The following GSK3B variants were observed in gnomAD, a reference collection of about 807,000 sequenced individuals.
GSK3B encodes glycogen synthase kinase 3 beta.
GSK3B carries 15 observed loss-of-function variants against 56.4 expected under a neutral mutation model. The ratio of observed to expected loss-of-function variants is 0.27; its 90% CI spans 0.18 to 0.41. GSK3B has a LOEUF of 0.41. Among genes scored for constraint, GSK3B ranks in the 10% least tolerant of loss-of-function variants. The probability of loss-of-function intolerance (pLI) is 1.00; values close to 1 mark genes in which losing one functional copy is unlikely to be tolerated. For missense variants in GSK3B, 300 were observed against 513.4 expected (o/e 0.58, Z 4.02); for synonymous variants, 181 against 188.9 (o/e 0.96, Z 0.34).
chr3:119,865,372 TTTC>T (rs2108036230), intron 8 of GSK3B, among the ~76,000 whole-genome samples: 1 of 147,438 alleles, frequency 6.8e-6, no homozygotes, highest in South Asian at 2.1e-4. Context: ...AATAAAAAAA[TTTC>T]TTATTTTCAA....
At position 120,093,620 on chromosome 3, in the gene GSK3B, T is replaced by C. The variant is rs2058533980; in HGVS notation, c.-186A>G. 1.9e-6 allele frequency: 1 copy of C among 528,038 alleles called. No individual in the cohort carries two copies. Among genetic ancestry groups the C allele is most frequent in the Non-Finnish European group, 3.4e-6 (1 of 291,752 alleles). The allele number at this position is 528,038 out of a possible 1,614,324, so 32.7% of individuals were successfully genotyped here. A position where few individuals can be genotyped will look rare whatever the true frequency, so the allele number is the denominator to read the frequency against. ...TATAAAAAACAAAACAAGCGATATA[T>C]TTCTCCTTCAAGACAGATCGGCACG... On this transcript the variant is annotated 5_prime_UTR_variant, in exon 1 of 11. Transcript: ENST00000264235.
chr3:119,845,119 T>C (rs2108013468), intron 9 of GSK3B, among the ~76,000 whole-genome samples: 1 of 152,358 alleles, frequency 6.6e-6, no homozygotes, highest in African/African-American at 2.4e-5. Context: ...CAGCCCTTCA[T>C]GCTAAAAACA....
chr3:119,827,489 A>G (rs969070494), intron 10 of GSK3B, among the ~76,000 whole-genome samples: 1 of 151,684 alleles, frequency 6.6e-6, no homozygotes, highest in African/African-American at 2.4e-5. Flanking sequence ...ATAAGAGAGA[A>G]AGATGGGAGG....
intron 1 of GSK3B, among the ~76,000 whole-genome samples, chr3:120,007,342 C>G (rs2057738657): frequency 6.6e-6 from 1 of 152,152 alleles, no homozygotes; most frequent in Non-Finnish European, 1.5e-5. Flanking sequence ...CAAAGAGGAG[C>G]TGGTATCATT....
rs543816516 is a variant in GSK3B at position 120,032,108 on chromosome 3, A to G, written c.89-29869T>C. Among the ~76,000 whole-genome samples, 5 of 152,328 alleles carry G rather than the reference A, an allele frequency of 3.3e-5. No homozygotes were observed. The East Asian group carries it at 5.8e-4, about 18-fold the overall frequency. On this transcript the variant is annotated intron_variant, in intron 1 of 10. Coordinates refer to ENST00000264235, the MANE Select transcript of GSK3B (RefSeq NM_001146156.2). ...TTTTTGAAGGATGTAAAATATCTCA[A>G]TAATGATTTTTATAAGGACTACATA... is the stretch of plus-strand genomic sequence containing the variant.
intron 2 of GSK3B, among the ~76,000 whole-genome samples, chr3:119,964,506 G>A (rs2057301806): frequency 6.6e-6 from 1 of 152,132 alleles, no homozygotes; most frequent in Non-Finnish European, 1.5e-5. Context: ...AGCAAAATAA[G>A]TTAGTCACAG....
At chr3:119,964,753 C>T (rs1299411194) in intron 2 of GSK3B, among the ~76,000 whole-genome samples, 1 of 152,104 alleles carries the variant, frequency 6.6e-6, no homozygotes, top group Non-Finnish European at 1.5e-5. Context: ...GTCAAATATT[C>T]TTACCTACCC....
intron 10 of GSK3B, among the ~76,000 whole-genome samples, chr3:119,828,201 C>T (rs987424750): frequency 2.0e-5 from 3 of 152,116 alleles, no homozygotes; most frequent in African/African-American, 7.2e-5. Context: ...TTTAGAAATA[C>T]GTACAACTCT....
intron 2 of GSK3B, among the ~76,000 whole-genome samples, chr3:119,965,615 G>T (rs1293495146): frequency 6.6e-6 from 1 of 152,060 alleles, no homozygotes; most frequent in African/African-American, 2.4e-5. Context: ...TTTGATTTTT[G>T]TACCAATTCT....
At chr3:120,003,234 C>A (rs2057695661) in intron 1 of GSK3B, among the ~76,000 whole-genome samples, 1 of 152,190 alleles carries the variant, frequency 6.6e-6, no homozygotes, top group African/African-American at 2.4e-5. Flanking sequence ...TCTCTCACCC[C>A]AGTAGCAATC....
chr3:120,022,718 T>C (rs2057890104), intron 1 of GSK3B, among the ~76,000 whole-genome samples: 1 of 152,204 alleles, frequency 6.6e-6, no homozygotes, highest in African/African-American at 2.4e-5. Context: ...AGCAGTCCAC[T>C]TAGCATTTCT....
At chr3:119,965,561 T>C (rs2057311527) in intron 2 of GSK3B, among the ~76,000 whole-genome samples, 1 of 151,706 alleles carries the variant, frequency 6.6e-6, no homozygotes, top group Non-Finnish European at 1.5e-5. Flanking sequence ...AATCAAATTA[T>C]AACAATCTTA....
chr3:119,871,894 G>A (rs779488526), intron 8 of GSK3B, among the ~76,000 whole-genome samples: 14 of 152,106 alleles, frequency 9.2e-5, no homozygotes, highest in Non-Finnish European at 2.1e-4. Flanking sequence ...CAGGCCTTAG[G>A]ATTGTAATCT....
At position 119,826,493 on chromosome 3, in the gene GSK3B, A is replaced by T. The variant is rs966259734; in HGVS notation, c.*295T>A. 5.8e-6 allele frequency: 3 copies of T among 517,916 alleles called. No homozygotes were observed. Among genetic ancestry groups the T allele is most frequent in the Non-Finnish European group, 1.0e-5 (3 of 287,120 alleles). The allele number at this position is 517,916 out of a possible 1,614,324, so 32.1% of individuals were successfully genotyped here. Reference sequence around the variant, plus strand: ...AAGTATACAACAGCAGACTTTTAATAAAAAAAGATTGTCGTGGGAGAGAGA... The same window carrying T: ...AAGTATACAACAGCAGACTTTTAATTAAAAAAGATTGTCGTGGGAGAGAGA... On this transcript the variant is annotated 3_prime_UTR_variant, in exon 11 of 11. Transcript: ENST00000264235.
chr3:119,914,652 G>A (rs2056764519), intron 5 of GSK3B, among the ~76,000 whole-genome samples: 1 of 152,010 alleles, frequency 6.6e-6, no homozygotes, highest in East Asian at 1.9e-4. Flanking sequence ...CAGAGTCATG[G>A]CCTGCAAAGT....
At chr3:119,891,721 A>G (rs141949755) in intron 7 of GSK3B, among the ~76,000 whole-genome samples, 1 of 152,268 alleles carries the variant, frequency 6.6e-6, no homozygotes, top group East Asian at 1.9e-4. Context: ...ATTAAACTAG[A>G]TGGAAATGCT....
At chr3:120,088,465 C>T (rs562782990) in intron 1 of GSK3B, among the ~76,000 whole-genome samples, 1 of 152,270 alleles carries the variant, frequency 6.6e-6, no homozygotes, top group Admixed American at 6.5e-5. Context: ...ACATTACACT[C>T]AACAAATTTC....
At chr3:119,931,225 T>C (rs574316925) in intron 3 of GSK3B, among the ~76,000 whole-genome samples, 1 of 152,332 alleles carries the variant, frequency 6.6e-6, no homozygotes, top group South Asian at 2.1e-4. Flanking sequence ...GCACTCGTAA[T>C]TTTCTGAAAC....
At chr3:119,889,623 G>A (rs1406258101) in intron 7 of GSK3B, among the ~76,000 whole-genome samples, 1 of 151,986 alleles carries the variant, frequency 6.6e-6, no homozygotes, top group Non-Finnish European at 1.5e-5. Flanking sequence ...CAGTAAAAGA[G>A]GGGGAAAAAC....
Sources: allele counts gnomAD v4.1 joint callset (sites outside exome capture counted in the v4.1 genomes callset), GRCh38; gene constraint gnomAD v4.1.1; transcripts MANE v1.5; gene names NCBI Gene and HGNC (gene_info 2026-07-23, HGNC 2026-07-21).